Variants in TMEM51 observed in about 807,000 individuals in gnomAD.
The protein encoded by TMEM51 is transmembrane protein 51, also known as chromosome 1 open reading frame 72.
A neutral mutation model predicts 13.6 loss-of-function variants in TMEM51; 8 were observed. The ratio of observed to expected loss-of-function variants is 0.59; its 90% CI spans 0.35 to 1.07. TMEM51 has a LOEUF of 1.07. TMEM51 is among the 50% of genes least tolerant of loss of function. TMEM51 has a pLI of 0.02. For synonymous variants in TMEM51, 147 were observed against 144.4 expected (o/e 1.02, Z -0.13); for missense variants, 279 against 330.7 (o/e 0.84, Z 1.21).
At position 15,207,360 on chromosome 1, in the gene TMEM51, C is replaced by T. The variant is rs1289978215; in HGVS notation, c.-266-3130C>T. Among the ~76,000 whole-genome samples the T allele has an allele frequency of 6.6e-6, 1 of 152,244 alleles. No individual in the cohort carries two copies. Among genetic ancestry groups the T allele is most frequent in the African/African-American group, 2.4e-5 (1 of 41,468 alleles). On this transcript the variant is annotated intron_variant, in intron 1 of 3. Coordinates refer to ENST00000376008, the MANE Select transcript of TMEM51 (RefSeq NM_001136218.2). This position sits in a 1 kb window ranked among gnomAD's most constrained non-coding sequence, Gnocchi z 4.6. ...CCGATTCCCAGTTTCTAAACTGTGT[C>T]CTGGAGAGTTTCTGCAATTCAGCGA... is the stretch of plus-strand genomic sequence containing the variant.
chr1:15,167,231 G>A (rs1358080952), intron 1 of TMEM51, among the ~76,000 whole-genome samples: 1 of 150,250 alleles, frequency 6.7e-6, no homozygotes, highest in Non-Finnish European at 1.5e-5. Flanking sequence ...GGAAGCTGAG[G>A]CAGGAGAATG....
chr1:15,187,642 C>G (rs1266501619), intron 1 of TMEM51, among the ~76,000 whole-genome samples: 1 of 152,250 alleles, frequency 6.6e-6, no homozygotes, highest in Non-Finnish European at 1.5e-5. Flanking sequence ...CTTCCACCCT[C>G]TATTTCCTGC....
chr1:15,160,316 C>T (rs1224704061), intron 1 of TMEM51, among the ~76,000 whole-genome samples: 1 of 152,082 alleles, frequency 6.6e-6, no homozygotes, highest in Non-Finnish European at 1.5e-5. Context: ...CTCTGTTGCC[C>T]AGGCTGGAGT....
rs1642778862 is a variant in TMEM51, at chr1:15,161,482, G to A, written c.-267+7528G>A. Among the ~76,000 whole-genome samples the A allele has an allele frequency of 2.6e-5, 4 of 151,194 alleles. No individual in the cohort carries two copies. The highest frequency in any genetic ancestry group is 9.8e-5 in the African/African-American group (4 of 40,864). ...ATCGTGCCACTGAACTCCAGCCTGG[G>A]CAACAGAGTGAGACTCATCTCAAAA... On this transcript the variant is annotated intron_variant, in intron 1 of 3. Transcript: ENST00000376008. This position sits in a 1 kb window ranked among gnomAD's most constrained non-coding sequence, Gnocchi z 4.0.
chr1:15,178,440 C>A (rs981313714), intron 1 of TMEM51, among the ~76,000 whole-genome samples: 5 of 152,172 alleles, frequency 3.3e-5, no homozygotes, highest in African/African-American at 1.2e-4. Flanking sequence ...AGATGCCGGG[C>A]CTTACCTCGC....
chr1:15,154,780 G>A (rs898970099), intron 1 of TMEM51, among the ~76,000 whole-genome samples: 1 of 152,144 alleles, frequency 6.6e-6, no homozygotes, highest in African/African-American at 2.4e-5. Context: ...CAGCCCGTGG[G>A]GTGTCCTGCG....
At chr1:15,172,678 C>T (rs536922743) in intron 1 of TMEM51, among the ~76,000 whole-genome samples, 107 of 152,306 alleles carry the variant, frequency 7.0e-4, no homozygotes, top group Middle Eastern at 6.8e-3. Context: ...TCATTTCACT[C>T]TCCACTGTTT....
intron 1 of TMEM51, among the ~76,000 whole-genome samples, chr1:15,175,121 T>C (rs1251415743): frequency 6.6e-6 from 1 of 152,170 alleles, no homozygotes; most frequent in Non-Finnish European, 1.5e-5. Context: ...GGCCGTAGGC[T>C]GGGTGCAGTG....
At chr1:15,156,380 G>A (rs6667628) in intron 1 of TMEM51, among the ~76,000 whole-genome samples, 33,849 of 152,118 alleles carry the variant, frequency 0.22, 5,099 homozygotes, top group African/African-American at 0.43. Context: ...AACCCCTCAG[G>A]CTTCTTGGGC....
chr1:15,174,863 C>G (rs939215162), intron 1 of TMEM51, among the ~76,000 whole-genome samples: 1 of 152,104 alleles, frequency 6.6e-6, no homozygotes, highest in African/African-American at 2.4e-5. Flanking sequence ...TTTATAAGGG[C>G]ACTAATCCCA....
intron 1 of TMEM51, among the ~76,000 whole-genome samples, chr1:15,163,952 C>T (rs1391508985): frequency 6.6e-6 from 1 of 151,718 alleles, no homozygotes; most frequent in Non-Finnish European, 1.5e-5. Flanking sequence ...CCTCAGCCTC[C>T]CGAGTAGCTG....
intron 1 of TMEM51, among the ~76,000 whole-genome samples, chr1:15,208,636 C>A (rs932318225): frequency 6.6e-6 from 1 of 151,904 alleles, no homozygotes; most frequent in Non-Finnish European, 1.5e-5. Context: ...ATTTTAAATA[C>A]AGAAATAAAT....
At chr1:15,184,802 G>C (rs1266721098) in intron 1 of TMEM51, among the ~76,000 whole-genome samples, 1 of 151,566 alleles carries the variant, frequency 6.6e-6, no homozygotes, top group Non-Finnish European at 1.5e-5. Context: ...CTCTCAAGCA[G>C]GGGTGATCTT....
chr1:15,192,057 A>T lies in TMEM51; in HGVS notation c.-266-18433A>T, dbSNP rs1643933310. The T allele has an allele frequency of 5.7e-6, 3 of 523,954 alleles. No individual in the cohort carries two copies. The Admixed American group carries it at 5.9e-5, about 10-fold the overall frequency. 32.5% of individuals were successfully genotyped at this position (523,954 alleles called of 1,614,324 possible). On this transcript the variant is annotated intron_variant, in intron 1 of 3. Coordinates refer to ENST00000376008, the MANE Select transcript of TMEM51 (RefSeq NM_001136218.2). ...CATACGTGATGTTGTCATGATGAGG[A>T]TTAGAAGTGGCCGGAGCAGACCTGC...
chr1:15,166,955 T>C lies in TMEM51; in HGVS notation c.-267+13001T>C, dbSNP rs375966916. Reference sequence around the variant, plus strand: ...TGATCTTTTTTCTGTCCTTATAGTTTTGCCCTTTCCAGGATATCACGTAAA... The same window carrying C: ...TGATCTTTTTTCTGTCCTTATAGTTCTGCCCTTTCCAGGATATCACGTAAA... On this transcript the variant is annotated intron_variant, in intron 1 of 3. Transcript: ENST00000376008. Among the ~76,000 whole-genome samples the C allele has an allele frequency of 3.9e-5, 6 of 152,224 alleles. No homozygotes were observed. The East Asian group carries it at 9.7e-4, about 25-fold the overall frequency.
rs1020250149 is a variant in TMEM51 at position 15,189,906 on chromosome 1, G to T, written c.-266-20584G>T. On this transcript the variant is annotated intron_variant, in intron 1 of 3. Transcript: ENST00000376008. ...GGGGCTAACCCAAGGTGGCAGAGAG[G>T]CCCTTTCGGCATTCAGCCTTGACCC... 6.6e-5 allele frequency among the ~76,000 whole-genome samples: 10 copies of T among 152,238 alleles called. No homozygotes were observed. The East Asian group carries it at 1.9e-3, about 29-fold the overall frequency.
intron 1 of TMEM51, among the ~76,000 whole-genome samples, chr1:15,189,764 G>A (rs767705768): frequency 7.2e-5 from 11 of 152,218 alleles, no homozygotes; most frequent in Admixed American, 1.3e-4. Flanking sequence ...GTCCAGCTCA[G>A]TGGCTGGTAC....
intron 1 of TMEM51, among the ~76,000 whole-genome samples, chr1:15,178,381 G>C (rs1643513894): frequency 6.6e-6 from 1 of 152,292 alleles, no homozygotes; most frequent in Admixed American, 6.5e-5. Flanking sequence ...CCCAGGATGA[G>C]GACTCTGAGG....
chr1:15,184,527 G>A (rs1643713181), intron 1 of TMEM51, among the ~76,000 whole-genome samples: 2 of 152,196 alleles, frequency 1.3e-5, no homozygotes, highest in African/African-American at 2.4e-5. Flanking sequence ...GATGCTTCTA[G>A]AAGCTCATTT....
Sources: allele counts gnomAD v4.1 joint callset (sites outside exome capture counted in the v4.1 genomes callset), GRCh38; gene constraint gnomAD v4.1.1; non-coding constraint Gnocchi (gnomAD v3.1); transcripts MANE v1.5; gene names NCBI Gene and HGNC (gene_info 2026-07-23, HGNC 2026-07-21).